The following IGSF11 variants were observed in gnomAD, a reference collection of about 807,000 sequenced individuals.
IGSF11 encodes CXADR like 1.
Under a neutral mutation model 41.0 loss-of-function variants are expected in IGSF11, and 22 were observed. The ratio of observed to expected loss-of-function variants is 0.54; its 90% CI spans 0.38 to 0.77. The LOEUF is 0.77. Ranked by LOEUF, IGSF11 falls within the 30% of genes least tolerant of loss-of-function variation. IGSF11 has a pLI of 0.00. For missense variants in IGSF11, 444 were observed against 530.8 expected, an observed-to-expected ratio of 0.84 and a Z score of 1.61; for synonymous variants, 219 against 201.3, an observed-to-expected ratio of 1.09 and a Z score of -0.74.
chr3:119,051,136 T>G (rs1442987346), intron 1 of IGSF11, among the ~76,000 whole-genome samples: 1 of 150,536 alleles, frequency 6.6e-6, no homozygotes, highest in Non-Finnish European at 1.5e-5. Flanking sequence ...CCCTAAAACT[T>G]AAAGTATAAT....
intron 1 of IGSF11, chr3:118,947,891 G>A (rs990208084): frequency 6.6e-6 from 1 of 152,148 alleles, no homozygotes; most frequent in Non-Finnish European, 1.5e-5. Context: ...ACTTTTGTTG[G>A]TAAGGTTTAT....
At chr3:119,094,877 G>T (rs1269832817) in intron 1 of IGSF11, among the ~76,000 whole-genome samples, 1 of 151,694 alleles carries the variant, frequency 6.6e-6, no homozygotes, top group African/African-American at 2.4e-5. Context: ...TCACCACATT[G>T]GCCAGGCTGG....
chr3:119,031,644 T>C (rs561842100), intron 1 of IGSF11, among the ~76,000 whole-genome samples: 111 of 152,330 alleles, frequency 7.3e-4, no homozygotes, highest in African/African-American at 2.3e-3. Flanking sequence ...TAATTTAATA[T>C]TTAAATTGCT....
intron 1 of IGSF11, among the ~76,000 whole-genome samples, chr3:119,120,830 AG>A (rs549407370): frequency 1.2e-3 from 187 of 152,354 alleles, no homozygotes; most frequent in African/African-American, 4.4e-3. Context: ...TACATATAAA[AG>A]ATCCTAGTTT....
chr3:118,949,247 G>GA (rs1352503397), intron 1 of IGSF11: 2 of 138,896 alleles, frequency 1.4e-5, no homozygotes, highest in African/African-American at 5.4e-5. Flanking sequence ...TATTGGAGCA[G>GA]AAAATCACAA....
chr3:119,139,787 A>G, intron 1 of IGSF11, among the ~76,000 whole-genome samples: 1 of 152,260 alleles, frequency 6.6e-6, no homozygotes. Flanking sequence ...AAAAGATAAC[A>G]GCATAAATCA....
chr3:118,940,342 T>C (rs1943589202), intron 1 of IGSF11, among the ~76,000 whole-genome samples: 1 of 152,098 alleles, frequency 6.6e-6, no homozygotes. Flanking sequence ...GTTTCAGAAA[T>C]CAAGGCTAAT....
At chr3:118,923,456 T>A (rs1235012388) in intron 4 of IGSF11, among the ~76,000 whole-genome samples, 1 of 152,230 alleles carries the variant, frequency 6.6e-6, no homozygotes, top group Admixed American at 6.5e-5. Flanking sequence ...AATTTAACTC[T>A]GATCTAATAG....
chr3:118,923,824 T>C (rs143845523), intron 4 of IGSF11, among the ~76,000 whole-genome samples: 11 of 152,356 alleles, frequency 7.2e-5, no homozygotes, highest in African/African-American at 2.4e-4. Flanking sequence ...AGAAATGATG[T>C]GTCCTTCTCA....
chr3:119,120,890 G>T (rs1428657777), intron 1 of IGSF11, among the ~76,000 whole-genome samples: 1 of 152,174 alleles, frequency 6.6e-6, no homozygotes, highest in African/African-American at 2.4e-5. Flanking sequence ...GAGAAGAAAT[G>T]GTTTGGGGTT....
Position 118,926,128 on chromosome 3 carries a change from G to A in IGSF11, c.553C>T (p.Leu185Phe). 1 of 1,610,458 alleles carries A rather than the reference G, an allele frequency of 6.2e-7. No homozygotes were observed. The change falls in exon 4 of 7, where the codon CTC becomes TTC. Residue 185 changes from leucine (L) to phenylalanine (F), a missense_variant. Physicochemically the swap from Leu to Phe is conservative, Grantham distance 22. This residue lies in a region of IGSF11 where 193 missense variants were observed against 283.5 expected (regional missense o/e 0.68). Transcript: ENST00000393775. ...TGAGTAGCTGTTGGAGGTAGTTTGA[G>A]GGTATTGTCTAACTTCTCCCAAAGG... The part of the protein sequence containing the change: ...TYLWEKLDNT[L>F]KLPPTATQDQ...
At chr3:119,039,436 A>G (rs766789205), upstream of IGSF11, among the ~76,000 whole-genome samples, 2 of 152,172 alleles carry the variant, frequency 1.3e-5, no homozygotes, top group African/African-American at 2.4e-5. Context: ...GATCCTCGTG[A>G]TTACACTGGG....
chr3:119,118,940 C>T (rs531315306), intron 1 of IGSF11, among the ~76,000 whole-genome samples: 1 of 152,196 alleles, frequency 6.6e-6, no homozygotes, highest in East Asian at 1.9e-4. Flanking sequence ...CAGTTCCCAA[C>T]AAGTTCCTCA....
intron 1 of IGSF11, among the ~76,000 whole-genome samples, chr3:118,946,204 GCA>G (rs148772016): frequency 0.016 from 2,309 of 140,440 alleles, 28 homozygotes; most frequent in Middle Eastern, 0.032. Context: ...ACACACACAC[GCA>G]CACACACACA....
At chr3:119,112,521 G>C (rs1472713707) in intron 1 of IGSF11, 1 of 152,364 alleles carries the variant, frequency 6.6e-6, no homozygotes, top group Non-Finnish European at 1.5e-5. Flanking sequence ...ACCAGGAAAG[G>C]GAACTCCCTG....
intron 1 of IGSF11, among the ~76,000 whole-genome samples, chr3:118,973,343 G>A (rs190915697): frequency 6.6e-6 from 1 of 152,300 alleles, no homozygotes; most frequent in East Asian, 1.9e-4. Flanking sequence ...TCCATTCAAT[G>A]CATCTAGGAT....
At chr3:119,077,348 C>T (rs562635577) in intron 1 of IGSF11, among the ~76,000 whole-genome samples, 8 of 152,120 alleles carry the variant, frequency 5.3e-5, no homozygotes, top group African/African-American at 1.9e-4. Context: ...AGCACACCAA[C>T]ATGGCACATG....
intron 1 of IGSF11, among the ~76,000 whole-genome samples, chr3:119,014,721 G>A (rs1331152355): frequency 6.6e-6 from 1 of 152,106 alleles, no homozygotes; most frequent in Non-Finnish European, 1.5e-5. Context: ...TAAATGACAT[G>A]CAAGGATAGA....
intron 1 of IGSF11, among the ~76,000 whole-genome samples, chr3:119,128,223 G>A (rs1396312736): frequency 1.3e-5 from 2 of 152,078 alleles, no homozygotes; most frequent in Non-Finnish European, 2.9e-5. Context: ...GCTGGGTGTG[G>A]TGGCAGGTGC....
Sources: gnomAD v4.1 joint callset for allele counts (sites outside exome capture counted in the v4.1 genomes callset) on GRCh38, gnomAD v4.1.1 for gene constraint, gnomAD v4.1.1 regional missense constraint, MANE v1.5 for transcripts, NCBI Gene and HGNC (gene_info 2026-07-23, HGNC 2026-07-21) for gene names.